The following ESR1 variants were observed in gnomAD, a reference collection of about 807,000 sequenced individuals.
The protein encoded by ESR1 is estrogen receptor.
Under a neutral mutation model 52.7 loss-of-function variants are expected in ESR1, and 12 were observed. The ratio of observed to expected loss-of-function variants is 0.23; its 90% CI spans 0.15 to 0.37. The LOEUF (loss-of-function observed/expected upper bound fraction) is 0.37. ESR1 is among the 10% of genes least tolerant of loss of function. The pLI is 1.00. For synonymous variants in ESR1, 305 were observed against 316.8 expected (o/e 0.96, Z 0.39); for missense variants, 584 against 779.7 (o/e 0.75, Z 2.99).
intron 2 of ESR1, among the ~76,000 whole-genome samples, chr6:151,765,883 T>A (rs557394659): frequency 6.5e-4 from 99 of 152,356 alleles, no homozygotes; most frequent in African/African-American, 2.4e-3. Flanking sequence ...GGGGTTCAAT[T>A]ACAGAACTGT....
chr6:151,864,389 T>C (rs1413734810), intron 2 of ESR1, among the ~76,000 whole-genome samples: 6 of 152,156 alleles, frequency 3.9e-5, no homozygotes, highest in Non-Finnish European at 7.3e-5. Context: ...CACAATGAGA[T>C]ACCATCTCAC....
intron 6 of ESR1, among the ~76,000 whole-genome samples, chr6:152,113,616 AAAAG>A (rs1028156753): frequency 3.9e-5 from 6 of 152,126 alleles, no homozygotes; most frequent in African/African-American, 9.7e-5. Context: ...ACAATCTTAA[AAAAG>A]AAAGAAACAA....
At chr6:151,806,677 C>G (rs977186464), upstream of ESR1, among the ~76,000 whole-genome samples, 1 of 151,348 alleles carries the variant, frequency 6.6e-6, no homozygotes, top group African/African-American at 2.4e-5. Context: ...CCAAGTGAAC[C>G]GAGAAGATCG....
At chr6:151,746,394 G>C (rs1259318224) in intron 2 of ESR1, among the ~76,000 whole-genome samples, 9 of 152,186 alleles carry the variant, frequency 5.9e-5, no homozygotes, top group Admixed American at 3.3e-4. Flanking sequence ...CTGCAACAAT[G>C]ATGATGGGCT....
intron 6 of ESR1, among the ~76,000 whole-genome samples, chr6:152,072,827 T>C (rs964703327): frequency 6.6e-6 from 1 of 152,254 alleles, no homozygotes; most frequent in African/African-American, 2.4e-5. Flanking sequence ...CAAAATTCAC[T>C]TTCATCTTGA....
chr6:151,831,302 G>A (rs1782370537), intron 1 of ESR1, among the ~76,000 whole-genome samples: 1 of 151,822 alleles, frequency 6.6e-6, no homozygotes, highest in Non-Finnish European at 1.5e-5. Flanking sequence ...ACCAGACCTG[G>A]CTAATGTTTA....
In ESR1 at chr6:152,098,830, C is replaced by T. The variant is rs200128829; in HGVS notation, c.1652C>T (p.Ala551Val). 23 of 1,614,190 alleles carry T rather than the reference C, an allele frequency of 1.4e-5. No individual in the cohort carries two copies. Among genetic ancestry groups the T allele is most frequent in the South Asian group, 7.7e-5 (7 of 91,080 alleles). Reference sequence around the variant, plus strand: ...ATGCTGGACGCCCACCGCCTACATGCGCCCACTAGCCGTGGAGGGGCATCC... The same window carrying T: ...ATGCTGGACGCCCACCGCCTACATGTGCCCACTAGCCGTGGAGGGGCATCC... Reference protein sequence around the residue: ...LEMLDAHRLHAPTSRGGASVE... With the variant: ...LEMLDAHRLHVPTSRGGASVE... Residue 551 changes from alanine (A) to valine (V), a missense_variant, in exon 8 of 8, where the codon GCG (alanine) becomes GTG (valine). Physicochemically the swap from Ala to Val is moderately conservative, Grantham distance 64 (BLOSUM62 0). Around this residue, in one of 6 missense-constraint regions of ESR1, gnomAD observed 71 missense variants for 66.1 expected, o/e 1.07. Coordinates refer to ENST00000206249, the MANE Select transcript of ESR1 (RefSeq NM_000125.4). This position sits in a 1 kb window ranked among gnomAD's most constrained non-coding sequence, Gnocchi z 5.1.
chr6:151,992,708 C>T (rs1178990348), intron 4 of ESR1, among the ~76,000 whole-genome samples: 1 of 152,014 alleles, frequency 6.6e-6, no homozygotes, highest in African/African-American at 2.4e-5. Context: ...GGATTTGCTT[C>T]CATAAGCAGT....
upstream of ESR1, among the ~76,000 whole-genome samples, chr6:151,801,111 A>G (rs564511923): frequency 6.6e-6 from 1 of 151,250 alleles, no homozygotes; most frequent in African/African-American, 2.4e-5. Flanking sequence ...AGATAGGACT[A>G]TCTGAATCTA....
chr6:151,838,991 C>A (rs993470798), intron 1 of ESR1, among the ~76,000 whole-genome samples: 1 of 152,094 alleles, frequency 6.6e-6, no homozygotes, highest in Non-Finnish European at 1.5e-5. Flanking sequence ...CATATTCTAT[C>A]TATATTGTGG....
At chr6:151,975,522 A>G (rs138269810) in intron 4 of ESR1, among the ~76,000 whole-genome samples, 8 of 152,242 alleles carry the variant, frequency 5.3e-5, no homozygotes, top group Non-Finnish European at 1.0e-4. Flanking sequence ...GTCATTGGCT[A>G]GTCTGAAATC....
Position 152,065,736 on chromosome 6 carries a change from C to G in ESR1, c.1369+4612C>G, listed in dbSNP as rs186631466. Among the ~76,000 whole-genome samples, 595 of 152,272 alleles carry G rather than the reference C, an allele frequency of 3.9e-3. 5 individuals are homozygous for G. Among genetic ancestry groups the G allele is most frequent in the African/African-American group, 9.5e-3 (394 of 41,558 alleles). ...CAAACCTTCTCCAGTTACCCGGATG[C>G]CTTCTGTGTGCTGCTGGCTTCTGCA... On this transcript the variant is annotated intron_variant, in intron 6 of 7. Transcript: ENST00000206249.
At chr6:151,974,224 A>G (rs1286569478) in intron 4 of ESR1, among the ~76,000 whole-genome samples, 3 of 152,264 alleles carry the variant, frequency 2.0e-5, no homozygotes. Context: ...TGATGACACA[A>G]TGATCTAATT....
intron 6 of ESR1, among the ~76,000 whole-genome samples, chr6:152,115,750 G>T (rs931298370): frequency 6.6e-6 from 1 of 152,132 alleles, no homozygotes; most frequent in Non-Finnish European, 1.5e-5. Flanking sequence ...CACAGAAGAG[G>T]CAATACAAAT....
chr6:151,830,266 C>G (rs1440616974), intron 1 of ESR1, among the ~76,000 whole-genome samples: 1 of 152,106 alleles, frequency 6.6e-6, no homozygotes, highest in Non-Finnish European at 1.5e-5. Context: ...CTTCTGGGCT[C>G]CTTTCTCTTA....
chr6:152,039,396 TAA>T (rs1402486508), intron 5 of ESR1, among the ~76,000 whole-genome samples: 5 of 152,038 alleles, frequency 3.3e-5, no homozygotes, highest in African/African-American at 1.2e-4. Context: ...CTTGATAGGC[TAA>T]GTCAGTCACC....
intron 3 of ESR1, chr6:151,936,351 C>T (rs967949205): frequency 2.6e-5 from 4 of 152,096 alleles, no homozygotes; most frequent in Admixed American, 2.0e-4. Flanking sequence ...AAATTGGGCA[C>T]CCTTTATCTA....
At chr6:151,691,244 G>C (rs1220468106) in intron 1 of ESR1, among the ~76,000 whole-genome samples, 2 of 152,186 alleles carry the variant, frequency 1.3e-5, no homozygotes, top group Non-Finnish European at 2.9e-5. Flanking sequence ...TTTTAAGCAA[G>C]CTCTTTTGAG....
At chr6:151,945,467 A>G (rs1446357123) in intron 4 of ESR1, among the ~76,000 whole-genome samples, 1 of 152,164 alleles carries the variant, frequency 6.6e-6, no homozygotes, top group Non-Finnish European at 1.5e-5. Context: ...TGTTCTGGTA[A>G]AATTGGACTG....
Sources: allele counts gnomAD v4.1 joint callset (sites outside exome capture counted in the v4.1 genomes callset), GRCh38; gene constraint gnomAD v4.1.1; regional missense constraint gnomAD v4.1.1; non-coding constraint Gnocchi (gnomAD v3.1); transcripts MANE v1.5; gene names NCBI Gene and HGNC (gene_info 2026-07-23, HGNC 2026-07-21).